Variants in SGSM3 observed in about 807,000 individuals in gnomAD.
SGSM3 encodes the protein small G protein signaling modulator 3.
Under a neutral mutation model 100.5 loss-of-function variants are expected in SGSM3, and 96 were observed. The observed-to-expected ratio is 0.96, with a 90% CI of 0.81 to 1.13. SGSM3 has a LOEUF of 1.13. Among genes scored for constraint, SGSM3 ranks in the 50% most tolerant of loss-of-function variants. SGSM3 has a pLI of 0.00. For missense variants in SGSM3, 1,001 were observed against 1,015.8 expected, an observed-to-expected ratio of 0.99 and a Z score of 0.20; for synonymous variants, 483 against 422.8, an observed-to-expected ratio of 1.14 and a Z score of -1.75.
chr22:40,405,214 G>A lies in SGSM3; in HGVS notation c.548G>A (p.Arg183His), dbSNP rs772960636. ...FASMGSIGVP[R>H]LRRVLRALAW... is the part of the protein sequence containing the mutation. ...AGCATGGGTAGCATCGGGGTGCCCCGCCTGCGCAGGGTGCTCCGGGCCCTG... is the reference window on the plus strand; with the variant it reads ...AGCATGGGTAGCATCGGGGTGCCCCACCTGCGCAGGGTGCTCCGGGCCCTG... Residue 183 changes from arginine to histidine, a missense_variant, in exon 7 of 22, where the codon CGC becomes CAC. Arg to His is a conservative substitution (Grantham distance 29). Transcript: ENST00000248929. The A allele has an allele frequency of 1.5e-5, 23 of 1,584,156 alleles. No individual in the cohort carries two copies. The highest frequency in any genetic ancestry group is 3.6e-5 in the Admixed American group (2 of 56,246).
rs923823083 is a variant in SGSM3, at chr22:40,405,650, T to A, written c.620T>A (p.Val207Glu). 3.1e-6 allele frequency: 5 copies of A among 1,611,856 alleles called. No individual in the cohort carries two copies. The highest frequency in any genetic ancestry group is 4.2e-6 in the Non-Finnish European group (5 of 1,178,850). Reference sequence around the variant, plus strand: ...CCCTTGTCCCTGTGCCCTGGCCAGGTGGCCGCCTGCCTCCTGCTGTTCCTG... The same window carrying A: ...CCCTTGTCCCTGTGCCCTGGCCAGGAGGCCGCCTGCCTCCTGCTGTTCCTG... Reference protein sequence around the residue: ...EIGYCQGTGMVAACLLLFLEE... With the variant: ...EIGYCQGTGMEAACLLLFLEE... The change falls in exon 8 of 22, where the codon GTG becomes GAG. Residue 207 changes from valine (V) to glutamate (E), a missense_variant and splice_region_variant. Val to Glu is a moderately radical substitution (Grantham distance 121, BLOSUM62 -2). Coordinates refer to ENST00000248929, the MANE Select transcript of SGSM3 (RefSeq NM_015705.6).
At chr22:40,374,110 G>A (rs1014012073) in intron 1 of SGSM3, among the ~76,000 whole-genome samples, 1 of 151,770 alleles carries the variant, frequency 6.6e-6, no homozygotes, top group Non-Finnish European at 1.5e-5. Flanking sequence ...CTGCCACCAT[G>A]CCCGGCTAAT....
At chr22:40,390,897 T>A (rs1444828469) in intron 1 of SGSM3, among the ~76,000 whole-genome samples, 4 of 151,806 alleles carry the variant, frequency 2.6e-5, no homozygotes, top group Admixed American at 2.6e-4. Context: ...CTTCTAAGAG[T>A]TTGCTGTGCT....
At chr22:40,373,115 A>G (rs940116241) in intron 1 of SGSM3, among the ~76,000 whole-genome samples, 1 of 152,188 alleles carries the variant, frequency 6.6e-6, no homozygotes, top group South Asian at 2.1e-4. Flanking sequence ...AATCATTGAA[A>G]CCACTTATTG....
rs73420601 is a variant in SGSM3 at position 40,404,316 on chromosome 22, G to A, written c.227G>A (p.Arg76Gln). ...ATGGAGGATGCTCCACAGAGGCTGC[G>A]GTGGCAGGCCCACCTGGAGTTCACC... is the stretch of plus-strand genomic sequence containing the variant. ...PLMEDAPQRLRWQAHLEFTHN... is the reference protein window; with the variant it reads ...PLMEDAPQRLQWQAHLEFTHN... The change falls in exon 5 of 22, where the codon CGG (arginine) becomes CAG (glutamine). Residue 76 changes from arginine to glutamine, a missense_variant. Transcript: ENST00000248929. 74 of 1,578,874 alleles carry A rather than the reference G, an allele frequency of 4.7e-5. No homozygotes were observed. The Admixed American group carries it at 5.5e-4, about 12-fold the overall frequency.
In SGSM3 at chr22:40,409,678, G is replaced by A. The variant is rs760619496; in HGVS notation, c.2173-4G>A. 1 of 1,613,350 alleles carries A rather than the reference G, an allele frequency of 6.2e-7. No individual in the cohort carries two copies. The highest frequency in any genetic ancestry group is 2.2e-5 in the East Asian group (1 of 44,848). ...TGTGAGGTGAGGGGCTGCCCTGTTT[G>A]CAGGCGCAGCAGCCCCTGAAGGAGG... On this transcript the variant is annotated splice_region_variant and splice_polypyrimidine_tract_variant and intron_variant, in intron 21 of 21. Transcript: ENST00000248929.
chr22:40,407,985 C>A lies in SGSM3; in HGVS notation c.1580-86C>A. 1 of 1,500,810 alleles carries A rather than the reference C, an allele frequency of 6.7e-7. No individual in the cohort carries two copies. Among genetic ancestry groups the A allele is most frequent in the Non-Finnish European group, 9.1e-7 (1 of 1,094,258 alleles). The allele number at this position is 1,500,810 out of a possible 1,614,324, so 93.0% of individuals were successfully genotyped here. A position where few individuals can be genotyped will look rare whatever the true frequency, so the allele number is the denominator to read the frequency against. On this transcript the variant is annotated intron_variant, in intron 14 of 21. Coordinates refer to ENST00000248929, the MANE Select transcript of SGSM3 (RefSeq NM_015705.6). This position sits in a 1 kb window ranked among gnomAD's most constrained non-coding sequence, Gnocchi z 4.7. ...GTCCCTGAAGCAGCTGAGCCGGCTTCCCACTGCCTCAGCCTGCCTGCAGGC... is the reference window on the plus strand; with the variant it reads ...GTCCCTGAAGCAGCTGAGCCGGCTTACCACTGCCTCAGCCTGCCTGCAGGC...
rs778555225 is a variant in SGSM3, at chr22:40,408,299, C to T, written c.1652C>T (p.Ser551Leu). 4.2e-5 allele frequency: 68 copies of T among 1,613,420 alleles called. No homozygotes were observed. Among genetic ancestry groups the T allele is most frequent in the Middle Eastern group, 3.3e-4 (2 of 6,082 alleles). Residue 551 changes from serine (S) to leucine (L), a missense_variant, in exon 16 of 22, where the codon TCG (serine) becomes TTG (leucine). Transcript: ENST00000248929. ...CAGTACTCCATCGCGGGGGATGACT[C>T]GGTGACGGAGGGGGTCACAGACCTC... is the stretch of plus-strand genomic sequence containing the variant. ...SKEYSIAGDD[S>L]VTEGVTDLVR...
In SGSM3 at chr22:40,410,244, T is replaced by TGCTACCCACCCCTTCCATGGACTGAATAA. The variant is rs1210091806; in HGVS notation, c.*487_*515dup. The TGCTACCCACCCCTTCCATGGACTGAATAA allele has an allele frequency of 2.1e-5, 20 of 956,394 alleles. No homozygotes were observed. The highest frequency in any genetic ancestry group is 2.2e-5 in the Non-Finnish European group (17 of 782,986). 59.2% of individuals were successfully genotyped at this position (956,394 alleles called of 1,614,324 possible). On this transcript the variant is annotated 3_prime_UTR_variant, in exon 22 of 22. Transcript: ENST00000248929. ...ACACAACAGACCCGGGACCCAGCTG[T>TGCTACCCACCCCTTCCATGGACTGAATAA]GCTACCCACCCCTTCCATGGACTGA...
At chr22:40,376,080 G>T (rs2046507658) in intron 1 of SGSM3, among the ~76,000 whole-genome samples, 1 of 143,610 alleles carries the variant, frequency 7.0e-6, no homozygotes, top group African/African-American at 2.5e-5. Context: ...AGATATGAAA[G>T]AACAGATCAT....
At chr22:40,391,854 TCTGACAGCCAGTGTCTCACCCAAACC>T (rs2049392563) in intron 1 of SGSM3, among the ~76,000 whole-genome samples, 1 of 152,178 alleles carries the variant, frequency 6.6e-6, no homozygotes, top group South Asian at 2.1e-4. Flanking sequence ...AGCCTTGGGC[TCTGACAGCCAGTGTCTCACCCAAACC>T]CAGCTCTGGC....
intron 1 of SGSM3, among the ~76,000 whole-genome samples, chr22:40,387,922 A>G (rs1278884800): frequency 6.6e-6 from 1 of 152,200 alleles, no homozygotes; most frequent in Non-Finnish European, 1.5e-5. Context: ...CAGGAAGGGG[A>G]CACGCATACC....
chr22:40,405,589 A>G lies in SGSM3; in HGVS notation c.619-60A>G, dbSNP rs955261687. 4.5e-5 allele frequency: 67 copies of G among 1,492,976 alleles called. No homozygotes were observed. In the African/African-American group the frequency reaches 7.8e-4, roughly 17 times the overall value. 92.5% of individuals were successfully genotyped at this position (1,492,976 alleles called of 1,614,324 possible). Reference sequence around the variant, plus strand: ...TAATTGGTCTCCCTAGGGTAGGGGCACCTTTTCTAATCTGCACAAAGACCT... The same window carrying G: ...TAATTGGTCTCCCTAGGGTAGGGGCGCCTTTTCTAATCTGCACAAAGACCT... On this transcript the variant is annotated intron_variant, in intron 7 of 21. Transcript: ENST00000248929.
intron 1 of SGSM3, among the ~76,000 whole-genome samples, chr22:40,393,378 C>G (rs1049905008): frequency 6.6e-6 from 1 of 152,228 alleles, no homozygotes; most frequent in African/African-American, 2.4e-5. Flanking sequence ...TTGGGTCACC[C>G]AAAGAGCTGG....
chr22:40,384,460 A>C (rs550841619), intron 1 of SGSM3, among the ~76,000 whole-genome samples: 1 of 152,284 alleles, frequency 6.6e-6, no homozygotes, highest in South Asian at 2.1e-4. Flanking sequence ...TCCAATAAAT[A>C]AACAAAAATT....
Position 40,410,006 on chromosome 22 carries a change from G to A in SGSM3, c.*247G>A. On this transcript the variant is annotated 3_prime_UTR_variant, in exon 22 of 22. Transcript: ENST00000248929. ...TGTACCAAAAACCTTGTGAGGAGGT[G>A]GGGGAGCCATGTCTGTGCTCAGGAA... is the stretch of plus-strand genomic sequence containing the variant. 4 of 1,338,336 alleles carry A rather than the reference G, an allele frequency of 3.0e-6. No homozygotes were observed. Among genetic ancestry groups the A allele is most frequent in the Non-Finnish European group, 3.8e-6 (4 of 1,050,782 alleles). 82.9% of individuals were successfully genotyped at this position (1,338,336 alleles called of 1,614,324 possible).
chr22:40,405,067 C>T (rs2051279437), intron 6 of SGSM3, 74 bp from the exon 7 acceptor site: 3 of 1,442,314 alleles, frequency 2.1e-6, no homozygotes, highest in Non-Finnish European at 2.7e-6. Context: ...GGGGGAGAAG[C>T]CCGCCTGGGG....
intron 15 of SGSM3, 70 bp from the exon 16 acceptor site, chr22:40,408,207 G>T: frequency 6.2e-7 from 1 of 1,607,018 alleles, no homozygotes; most frequent in Non-Finnish European, 8.5e-7. Context: ...TAGCATGGCA[G>T]AGAGGACAGA....
intron 19 of SGSM3, 90 bp from the exon 20 acceptor site, chr22:40,409,157 AGCT>A: frequency 1.9e-6 from 3 of 1,556,582 alleles, no homozygotes; most frequent in Non-Finnish European, 1.7e-6. Flanking sequence ...GTGGTCTGGG[AGCT>A]GCTGAGAGAC....
Sources: gnomAD v4.1 joint callset for allele counts (sites outside exome capture counted in the v4.1 genomes callset) on GRCh38, gnomAD v4.1.1 for gene constraint, Gnocchi (gnomAD v3.1) non-coding constraint, MANE v1.5 for transcripts, NCBI Gene and HGNC (gene_info 2026-07-23, HGNC 2026-07-21) for gene names.